The following DLEC1 variants were observed in gnomAD, a reference collection of about 807,000 sequenced individuals.
DLEC1 encodes the protein deleted in lung and esophageal cancer protein 1.
Under a neutral mutation model 198.1 loss-of-function variants are expected in DLEC1, and 146 were observed. The observed-to-expected ratio is 0.74, with a 90% CI of 0.64 to 0.85. DLEC1 has a LOEUF of 0.85. Among genes scored for constraint, DLEC1 ranks in the 40% least tolerant of loss-of-function variants. DLEC1 has a pLI of 0.00. For synonymous variants in DLEC1, 897 were observed against 866.8 expected (o/e 1.03, Z -0.61); for missense variants, 2,233 against 2,220.0 (o/e 1.01, Z -0.12).
intron 6 of DLEC1, among the ~76,000 whole-genome samples, chr3:38,082,813 G>T (rs1698124816): frequency 6.6e-6 from 1 of 152,150 alleles, no homozygotes; most frequent in Non-Finnish European, 1.5e-5. Context: ...GCCGCTAAGG[G>T]TGAAGGACCA....
chr3:38,111,269 C>T (rs79874292), intron 23 of DLEC1, among the ~76,000 whole-genome samples: 8,046 of 152,236 alleles, frequency 0.053, 254 homozygotes, highest in Middle Eastern at 0.13. Context: ...CTAGTGTGTA[C>T]CCAATGCTGG....
At chr3:38,103,913 A>G (rs955193115) in intron 19 of DLEC1, 1 of 152,260 alleles carries the variant, frequency 6.6e-6, no homozygotes, top group Non-Finnish European at 1.5e-5. Context: ...CAAAACAATT[A>G]CAGTAGTAAC....
At chr3:38,117,670 G>A in intron 32 of DLEC1, 59 bp downstream of exon 32, 1 of 1,611,712 alleles carries the variant, frequency 6.2e-7, no homozygotes, top group Non-Finnish European at 8.5e-7. Context: ...ATGTCTCTGT[G>A]TGCCCTTGTG....
intron 6 of DLEC1, among the ~76,000 whole-genome samples, chr3:38,079,385 G>A (rs1428564343): frequency 6.6e-6 from 1 of 152,156 alleles, no homozygotes; most frequent in African/African-American, 2.4e-5. Flanking sequence ...TGGAGGCAAG[G>A]GAAACAGGCC....
chr3:38,077,030 GAGA>G (rs1196586371), intron 6 of DLEC1, among the ~76,000 whole-genome samples: 1 of 152,170 alleles, frequency 6.6e-6, no homozygotes. Context: ...AATGGAATAA[GAGA>G]AGGAGAAAAA....
At chr3:38,089,562 TGAGGGGCAGGTTGG>T (rs1186451246) in intron 10 of DLEC1, among the ~76,000 whole-genome samples, 2 of 152,178 alleles carry the variant, frequency 1.3e-5, no homozygotes, top group Non-Finnish European at 2.9e-5. Context: ...CATCTACTGC[TGAGGGGCAGGTTGG>T]GTCTACAAGG....
Position 38,097,785 on chromosome 3 carries a change from T to G in DLEC1, c.2607T>G (p.Gly869=). ...LIINVSALQF[G]LLRLGQKATN... is the part of the protein sequence containing the mutation. ...TCAACGTCTCAGCCCTTCAGTTTGG[T>G]CTGCTCCGCCTGGGGCAGAAAGCCA... The change falls in exon 18 of 37, where the codon GGT becomes GGG. Residue 869 remains glycine (G), a synonymous_variant. Coordinates refer to ENST00000308059, the MANE Select transcript of DLEC1 (RefSeq NM_007335.4). The G allele has an allele frequency of 6.2e-7, 1 of 1,614,040 alleles. No individual in the cohort carries two copies. The highest frequency in any genetic ancestry group is 8.5e-7 in the Non-Finnish European group (1 of 1,179,994).
Position 38,120,478 on chromosome 3 carries a change from C to G in DLEC1, c.4735C>G (p.Leu1579Val), listed in dbSNP as rs769230542. 44 of 1,614,126 alleles carry G rather than the reference C, an allele frequency of 2.7e-5. No individual in the cohort carries two copies. The highest frequency in any genetic ancestry group is 3.1e-5 in the Non-Finnish European group (36 of 1,180,046). The change falls in exon 34 of 37, where the codon CTG becomes GTG. Residue 1579 changes from leucine (L) to valine (V), a missense_variant. By Grantham distance (32) the Leu-to-Val change is conservative. Transcript: ENST00000308059. Reference protein sequence around the residue: ...VNVSFSLSLELLSYQKLPADQ... With the variant: ...VNVSFSLSLEVLSYQKLPADQ... ...CGTGTCCTTCTCACTCTCCCTGGAGCTGCTCTCCTATCAGAAGCTCCCAGC... is the reference window on the plus strand; with the variant it reads ...CGTGTCCTTCTCACTCTCCCTGGAGGTGCTCTCCTATCAGAAGCTCCCAGC...
At chr3:38,080,616 G>C (rs1462095376) in intron 6 of DLEC1, among the ~76,000 whole-genome samples, 1 of 152,124 alleles carries the variant, frequency 6.6e-6, no homozygotes, top group Admixed American at 6.6e-5. Flanking sequence ...GGGCCAAGCG[G>C]TGTTGCAGAA....
chr3:38,110,255 A>C lies in DLEC1; in HGVS notation c.3417A>C (p.Gln1139His), dbSNP rs934995891. The C allele has an allele frequency of 3.7e-6, 6 of 1,614,092 alleles. No individual in the cohort carries two copies. Among genetic ancestry groups the C allele is most frequent in the Non-Finnish European group, 5.1e-6 (6 of 1,180,012 alleles). The change falls in exon 23 of 37, where the codon CAA becomes CAC. Residue 1139 changes from glutamine (Q) to histidine (H), a missense_variant. By Grantham distance (24) the Gln-to-His change is conservative (BLOSUM62 0). Coordinates refer to ENST00000308059, the MANE Select transcript of DLEC1 (RefSeq NM_007335.4). Reference protein sequence around the residue: ...SLKFEYFGSPQNSLSKKTSLP... With the variant: ...SLKFEYFGSPHNSLSKKTSLP... ...AGTTTGAGTATTTCGGGAGCCCCCA[A>C]AACAGCCTGAGCAAAAAGACCAGCC...
At chr3:38,089,353 G>C (rs930259924) in intron 10 of DLEC1, among the ~76,000 whole-genome samples, 1 of 152,238 alleles carries the variant, frequency 6.6e-6, no homozygotes, top group African/African-American at 2.4e-5. Context: ...AGCCAAGTTG[G>C]AGTTCAACTG....
intron 2 of DLEC1, among the ~76,000 whole-genome samples, chr3:38,047,552 A>T (rs1700937320): frequency 6.6e-6 from 1 of 152,188 alleles, no homozygotes; most frequent in Admixed American, 6.5e-5. Flanking sequence ...TTTCCTATGG[A>T]CTTGTCCATA....
At chr3:38,097,924 C>T in intron 18 of DLEC1, 22 bp downstream of exon 18, 1 of 1,613,832 alleles carries the variant, frequency 6.2e-7, no homozygotes, top group Non-Finnish European at 8.5e-7. Flanking sequence ...ACTGCTGGTT[C>T]CTCTGGTGCC....
chr3:38,068,744 T>C (rs1053328598), intron 6 of DLEC1, among the ~76,000 whole-genome samples: 7 of 152,120 alleles, frequency 4.6e-5, no homozygotes, highest in African/African-American at 1.7e-4. Context: ...TGTAGGGTGG[T>C]GGAGAAGGAT....
At chr3:38,063,112 A>G (rs1233913003) in intron 5 of DLEC1, among the ~76,000 whole-genome samples, 1 of 152,212 alleles carries the variant, frequency 6.6e-6, no homozygotes, top group Non-Finnish European at 1.5e-5. Flanking sequence ...GAGTAATAAC[A>G]GCATTTGAAA....
At chr3:38,063,947 C>A in intron 6 of DLEC1, 28 bp downstream of exon 6, 1 of 1,450,378 alleles carries the variant, frequency 6.9e-7, no homozygotes, top group Non-Finnish European at 9.6e-7. Context: ...TTACAGCTCC[C>A]ACCCCATCTG....
intron 34 of DLEC1, among the ~76,000 whole-genome samples, chr3:38,121,370 G>A (rs1700451214): frequency 6.6e-6 from 1 of 152,242 alleles, no homozygotes; most frequent in Non-Finnish European, 1.5e-5. Context: ...ACCAGCCAGG[G>A]TGCAGGGACT....
At position 38,120,591 on chromosome 3, in the gene DLEC1, C is replaced by T. The variant is rs765290168; in HGVS notation, c.4848C>T (p.Tyr1616=). The change falls in exon 34 of 37, where the codon TAC becomes TAT. Residue 1616 remains tyrosine (Y), a synonymous_variant. Coordinates refer to ENST00000308059, the MANE Select transcript of DLEC1 (RefSeq NM_007335.4). ...MVFTQNLLLE[Y]TNQTTQVVPL... The stretch of plus-strand genomic sequence containing the variant: ...TTACTCAGAACCTGCTCCTGGAGTA[C>T]ACCAACCAGACCACTCAGGCACGCC... The T allele has an allele frequency of 8.7e-6, 14 of 1,613,514 alleles. No homozygotes were observed. The highest frequency in any genetic ancestry group is 5.5e-5 in the South Asian group (5 of 91,044).
chr3:38,054,197 TAAAAAAA>T (rs746901513), intron 2 of DLEC1, among the ~76,000 whole-genome samples: 17,930 of 145,560 alleles, frequency 0.12, 1,460 homozygotes, highest in African/African-American at 0.23. Flanking sequence ...CAATAAATAC[TAAAAAAA>T]AAAACAAAAC....
Sources: allele counts gnomAD v4.1 joint callset (sites outside exome capture counted in the v4.1 genomes callset), GRCh38; gene constraint gnomAD v4.1.1; transcripts MANE v1.5; gene names NCBI Gene and HGNC (gene_info 2026-07-23, HGNC 2026-07-21).